The following TRPA1 variants were observed in gnomAD, a reference collection of about 807,000 sequenced individuals.
TRPA1 encodes ankyrin-like with transmembrane domains 1.
A neutral mutation model predicts 131.3 loss-of-function variants in TRPA1; 129 were observed. The observed-to-expected ratio is 0.98, with a 90% CI of 0.85 to 1.14. The LOEUF is 1.14. Among genes scored for constraint, TRPA1 ranks in the 50% most tolerant of loss-of-function variants. The pLI is 0.00. For missense variants in TRPA1, 1,304 were observed against 1,354.2 expected, an observed-to-expected ratio of 0.96 and a Z score of 0.58; for synonymous variants, 441 against 451.7, an observed-to-expected ratio of 0.98 and a Z score of 0.30.
chr8:72,021,360 A>G lies in TRPA1; in HGVS notation c.*1546T>C, dbSNP rs905696804. ...ACTGAGATCTATATTGTGCAATGCT[A>G]CACAAGGTTTGAGGAGAGGGAAGAC... On this transcript the variant is annotated 3_prime_UTR_variant, in exon 27 of 27. Coordinates refer to ENST00000262209, the MANE Select transcript of TRPA1 (RefSeq NM_007332.3). 7 of 152,186 alleles carry G rather than the reference A, an allele frequency of 4.6e-5. No individual in the cohort carries two copies. The highest frequency in any genetic ancestry group is 1.5e-5 in the Non-Finnish European group (1 of 68,034). The allele number at this position is 152,186 out of a possible 1,614,324, so 9.4% of individuals were successfully genotyped here.
the TRPA1 span, among the ~76,000 whole-genome samples, chr8:72,088,270 A>G: frequency 1.0e-3 from 148 of 148,702 alleles, no homozygotes; most frequent in African/African-American, 2.9e-3. Context: ...ATTCAATCCT[A>G]TCTACTGTCT....
the TRPA1 span, among the ~76,000 whole-genome samples, chr8:72,086,579 G>A: frequency 3.2e-4 from 48 of 152,190 alleles, no homozygotes; most frequent in East Asian, 5.8e-4. Context: ...AGATTTTGAC[G>A]TTACTTCTTA....
rs772329985 is a variant in TRPA1, at chr8:72,033,625, A to G, written c.2868+19T>C. 1 of 1,602,022 alleles carries G rather than the reference A, an allele frequency of 6.2e-7. No homozygotes were observed. The highest frequency in any genetic ancestry group is 1.1e-5 in the South Asian group (1 of 90,026). On this transcript the variant is annotated intron_variant, in intron 23 of 26. Coordinates refer to ENST00000262209, the MANE Select transcript of TRPA1 (RefSeq NM_007332.3). ...TTCAAATGATCAACAAACAGAAAATATAAGAAAAAACTACTTACAAGTAAA... is the reference window on the plus strand; with the variant it reads ...TTCAAATGATCAACAAACAGAAAATGTAAGAAAAAACTACTTACAAGTAAA...
chr8:72,026,290 G>T (rs543261093), intron 24 of TRPA1, among the ~76,000 whole-genome samples: 1 of 152,204 alleles, frequency 6.6e-6, no homozygotes, highest in East Asian at 1.9e-4. Flanking sequence ...AATCTGCCTT[G>T]GAGTGGGAGA....
Position 72,047,169 on chromosome 8 carries a change from G to T in TRPA1, c.1944C>A (p.Asp648Glu). The T allele has an allele frequency of 6.2e-7, 1 of 1,610,778 alleles. No individual in the cohort carries two copies. Among genetic ancestry groups the T allele is most frequent in the Admixed American group, 1.7e-5 (1 of 59,856 alleles). The change falls in exon 16 of 27, where the codon GAC becomes GAA. Residue 648 changes from aspartate to glutamate, a missense_variant. Asp to Glu is a conservative substitution (Grantham distance 45). Transcript: ENST00000262209. The part of the protein sequence containing the change: ...LDFCMLHSTE[D>E]KSCRDYYIEY... ...TTACATAATAGTCTCGGCAGGACTT[G>T]TCTTCTGTGGAATGCAACATGCAGA...
At chr8:72,054,732 C>T (rs1050146747) in intron 12 of TRPA1, 1 of 152,202 alleles carries the variant, frequency 6.6e-6, no homozygotes, top group East Asian at 1.9e-4. Flanking sequence ...TTGCTGGCAT[C>T]AATATTATGG....
chr8:72,089,427 A>G, the TRPA1 span, among the ~76,000 whole-genome samples: 17,059 of 152,158 alleles, frequency 0.11, 1,169 homozygotes, highest in Middle Eastern at 0.19. Context: ...CTCATGAAGA[A>G]TCTTTGCTAT....
chr8:72,026,067 G>A lies in TRPA1; in HGVS notation c.2944C>T (p.Leu982Phe). 1 of 1,613,574 alleles carries A rather than the reference G, an allele frequency of 6.2e-7. No homozygotes were observed. Among genetic ancestry groups the A allele is most frequent in the Non-Finnish European group, 8.5e-7 (1 of 1,179,562 alleles). The change falls in exon 25 of 27, where the codon CTT becomes TTT. Residue 982 changes from leucine (L) to phenylalanine (F), a missense_variant. Physicochemically the swap from Leu to Phe is conservative, Grantham distance 22. Coordinates refer to ENST00000262209, the MANE Select transcript of TRPA1 (RefSeq NM_007332.3). ...AGCTTCTTCTCTAAGCTGGTATGAA[G>A]TTCCACCTAAAGTGCATTTTGGATT... ...SLKRIAMQVE[L>F]HTSLEKKLPL...
chr8:72,055,630 A>G, intron 11 of TRPA1, 30 bp from the exon 12 acceptor site: 1 of 1,613,348 alleles, frequency 6.2e-7, no homozygotes, highest in Non-Finnish European at 8.5e-7. Flanking sequence ...CATATTTTCA[A>G]GGCAAATATT....
chr8:72,024,062 C>T, intron 25 of TRPA1, 151 bp from the exon 26 acceptor site: 1 of 620,328 alleles, frequency 1.6e-6, no homozygotes, highest in South Asian at 1.8e-5. Flanking sequence ...GAGAAAGAGA[C>T]ATGTGAAGAA....
At chr8:72,089,187 G>A in the TRPA1 span, among the ~76,000 whole-genome samples, 4 of 152,188 alleles carry the variant, frequency 2.6e-5, no homozygotes, top group South Asian at 2.1e-4. Context: ...TTAACCTGAA[G>A]CAGTTGCCAA....
intron 7 of TRPA1, among the ~76,000 whole-genome samples, chr8:72,060,889 A>C (rs1805793196): frequency 6.7e-6 from 1 of 150,212 alleles, no homozygotes; most frequent in Admixed American, 6.6e-5. Context: ...GAGATACTGT[A>C]GAATTCCAGG....
chr8:72,089,463 C>A, the TRPA1 span, among the ~76,000 whole-genome samples: 1 of 152,026 alleles, frequency 6.6e-6, no homozygotes, highest in East Asian at 1.9e-4. Context: ...TATGTGGAAG[C>A]TTTAGAATAC....
chr8:72,062,128 G>A (rs1805823804), intron 6 of TRPA1: 1 of 263,844 alleles, frequency 3.8e-6, no homozygotes, highest in African/African-American at 2.2e-5. Context: ...ACCATTGGCA[G>A]CTCTTCATTT....
At chr8:72,068,757 T>G (rs1805987192) in intron 3 of TRPA1, among the ~76,000 whole-genome samples, 1 of 152,196 alleles carries the variant, frequency 6.6e-6, no homozygotes, top group African/African-American at 2.4e-5. Flanking sequence ...TACTTCATAG[T>G]GGGTTTGCTT....
At position 72,033,694 on chromosome 8, in the gene TRPA1, G is replaced by C. The variant is rs1455083258; in HGVS notation, c.2818C>G (p.Gln940Glu). The change falls in exon 23 of 27, where the codon CAA becomes GAA. Residue 940 changes from glutamine to glutamate, a missense_variant. Physicochemically the swap from Gln to Glu is conservative, Grantham distance 29 (BLOSUM62 2). Transcript: ENST00000262209. ...ELAHPVLSFA[Q>E]LVSFTIFVPI... ...ACAAATATTGTGAAGGAAACAAGTTGTGCAAAGGACAGAACTGGATGTGCC... is the reference window on the plus strand; with the variant it reads ...ACAAATATTGTGAAGGAAACAAGTTCTGCAAAGGACAGAACTGGATGTGCC... 1.2e-6 allele frequency: 2 copies of C among 1,614,096 alleles called. No individual in the cohort carries two copies. The highest frequency in any genetic ancestry group is 2.2e-5 in the South Asian group (2 of 91,074).
At chr8:72,024,493 C>G (rs569566164) in intron 25 of TRPA1, among the ~76,000 whole-genome samples, 1 of 151,980 alleles carries the variant, frequency 6.6e-6, no homozygotes, top group Non-Finnish European at 1.5e-5. Context: ...TCAAATGGAC[C>G]AGACTGAGGG....
At chr8:72,063,693 AG>A in intron 4 of TRPA1, 122 bp from the exon 5 acceptor site, 1 of 689,486 alleles carries the variant, frequency 1.5e-6, no homozygotes, top group Non-Finnish European at 2.6e-6. Flanking sequence ...AAGTACATAG[AG>A]AGCTTCATAT....
chr8:72,022,624 T>A lies in TRPA1; in HGVS notation c.*282A>T. On this transcript the variant is annotated 3_prime_UTR_variant, in exon 27 of 27. Transcript: ENST00000262209. ...ACTTCTTTTCATTAAAAATGTGTGT[T>A]CTAGCAAATTCATTTTCTACCCATT... The A allele has an allele frequency of 2.0e-6, 1 of 501,460 alleles. No homozygotes were observed. The highest frequency in any genetic ancestry group is 3.6e-6 in the Non-Finnish European group (1 of 275,740). The allele number at this position is 501,460 out of a possible 1,614,324, so 31.1% of individuals were successfully genotyped here. A position where few individuals can be genotyped will look rare whatever the true frequency, so the allele number is the denominator to read the frequency against.
Sources: allele counts gnomAD v4.1 joint callset (sites outside exome capture counted in the v4.1 genomes callset), GRCh38; gene constraint gnomAD v4.1.1; transcripts MANE v1.5; gene names NCBI Gene and HGNC (gene_info 2026-07-23, HGNC 2026-07-21).